The following CSMD1 variants were observed in gnomAD, a reference collection of about 807,000 sequenced individuals.
The protein encoded by CSMD1 is CUB and Sushi multiple domains 1.
A neutral mutation model predicts 417.5 loss-of-function variants in CSMD1; 213 were observed. The ratio of observed to expected loss-of-function variants is 0.51; its 90% confidence interval spans 0.46 to 0.57. CSMD1 has a LOEUF of 0.57. Among genes scored for constraint, CSMD1 ranks in the 20% least tolerant of loss-of-function variants. The pLI is 0.00. For missense variants in CSMD1, 6,923 were observed against 4,529.7 expected (o/e 1.53, Z -15.17); for synonymous variants, 2,862 against 1,736.8 (o/e 1.65, Z -16.11).
At chr8:3,380,358 A>C (rs963760458) in intron 18 of CSMD1, among the ~76,000 whole-genome samples, 2 of 152,212 alleles carry the variant, frequency 1.3e-5, no homozygotes, top group African/African-American at 4.8e-5. Flanking sequence ...AGAACCAGAA[A>C]TACCATTTGA....
At chr8:3,969,617 A>T (rs555037435) in intron 5 of CSMD1, among the ~76,000 whole-genome samples, 1 of 152,224 alleles carries the variant, frequency 6.6e-6, no homozygotes, top group Non-Finnish European at 1.5e-5. Context: ...CATAAAATTA[A>T]ATAAAGATTT....
intron 3 of CSMD1, among the ~76,000 whole-genome samples, chr8:4,330,214 G>GTCAGATCCACCTGTCAGATCCACCCA (rs1799790748): frequency 1.3e-5 from 2 of 151,756 alleles, no homozygotes; most frequent in Non-Finnish European, 1.5e-5. Flanking sequence ...CATAACACCC[G>GTCAGATCCACCTGTCAGATCCACCCA]TCAGATCCAC....
intron 4 of CSMD1, among the ~76,000 whole-genome samples, chr8:4,005,336 C>T (rs751858794): frequency 1.3e-5 from 2 of 152,146 alleles, no homozygotes; most frequent in Non-Finnish European, 2.9e-5. Context: ...ATTCATTGTA[C>T]TTGCAGAAAA....
intron 23 of CSMD1, among the ~76,000 whole-genome samples, chr8:3,316,178 G>A (rs1364691791): frequency 1.3e-5 from 2 of 152,114 alleles, no homozygotes; most frequent in East Asian, 3.9e-4. Flanking sequence ...GGCAAATATT[G>A]TTCTAACTTG....
chr8:3,848,312 C>G (rs957136966), intron 5 of CSMD1, among the ~76,000 whole-genome samples: 4 of 152,120 alleles, frequency 2.6e-5, no homozygotes, highest in African/African-American at 7.2e-5. Flanking sequence ...CCACTAACAA[C>G]AGAGATCACC....
At chr8:4,044,151 G>A (rs1359195260) in intron 3 of CSMD1, among the ~76,000 whole-genome samples, 3 of 152,150 alleles carry the variant, frequency 2.0e-5, no homozygotes, top group African/African-American at 4.8e-5. Context: ...CAGTAAGAAA[G>A]AAGATGAGAG....
chr8:3,925,430 A>G (rs1360819344), intron 5 of CSMD1, among the ~76,000 whole-genome samples: 3 of 152,212 alleles, frequency 2.0e-5, no homozygotes, highest in Non-Finnish European at 4.4e-5. Context: ...TAATATTTAA[A>G]TTATACAGTT....
At chr8:4,794,255 T>C (rs2117248516) in intron 1 of CSMD1, among the ~76,000 whole-genome samples, 1 of 152,244 alleles carries the variant, frequency 6.6e-6, no homozygotes, top group South Asian at 2.1e-4. Flanking sequence ...TTTTGAAAAA[T>C]CCCACATTGT....
chr8:3,468,438 T>A (rs1221720286), intron 12 of CSMD1, among the ~76,000 whole-genome samples: 1 of 152,214 alleles, frequency 6.6e-6, no homozygotes, highest in Admixed American at 6.5e-5. Flanking sequence ...TCCCCACATA[T>A]GCCCACACTT....
intron 2 of CSMD1, among the ~76,000 whole-genome samples, chr8:4,610,994 T>C (rs905571523): frequency 9.9e-5 from 15 of 152,222 alleles, no homozygotes; most frequent in Non-Finnish European, 1.0e-4. Flanking sequence ...CCTTGGAAAA[T>C]AGCAGCCCTT....
rs1296773068 is a variant in CSMD1 at position 3,201,744 on chromosome 8, G to C, written c.4985-19C>G. ...AAGACCACTAAAAAATAAGAGGTGG[G>C]ATGTTGGCACAAGATGCTCTAAGAA... On this transcript the variant is annotated intron_variant, in intron 31 of 69. Coordinates refer to ENST00000635120, the MANE Select transcript of CSMD1 (RefSeq NM_033225.6). 8 of 1,475,040 alleles carry C rather than the reference G, an allele frequency of 5.4e-6. No individual in the cohort carries two copies. The African/African-American group carries it at 8.3e-5, about 15-fold the overall frequency. 91.4% of individuals were successfully genotyped at this position (1,475,040 alleles called of 1,614,324 possible).
intron 7 of CSMD1, among the ~76,000 whole-genome samples, chr8:3,662,150 T>G (rs977013601): frequency 1.3e-5 from 2 of 152,190 alleles, no homozygotes; most frequent in African/African-American, 2.4e-5. Context: ...AGATTTAGGC[T>G]ATAGAGATAG....
intron 3 of CSMD1, among the ~76,000 whole-genome samples, chr8:4,059,171 A>G (rs1298064670): frequency 6.6e-6 from 1 of 152,222 alleles, no homozygotes; most frequent in Non-Finnish European, 1.5e-5. Flanking sequence ...CAGAAACTGA[A>G]CAACCTGCTG....
At chr8:4,935,891 T>C (rs1233333417) in intron 1 of CSMD1, among the ~76,000 whole-genome samples, 1 of 152,220 alleles carries the variant, frequency 6.6e-6, no homozygotes, top group Non-Finnish European at 1.5e-5. Context: ...ATTTCTGGGC[T>C]GTCTTCCTCC....
intron 3 of CSMD1, among the ~76,000 whole-genome samples, chr8:4,103,842 T>A (rs1034369997): frequency 2.0e-5 from 3 of 152,192 alleles, no homozygotes; most frequent in Non-Finnish European, 4.4e-5. Context: ...ATGCTCTAAC[T>A]CCCTGGCAGC....
At chr8:4,738,932 A>C (rs1170932656) in intron 1 of CSMD1, among the ~76,000 whole-genome samples, 1 of 44,768 alleles carries the variant, frequency 2.2e-5, no homozygotes, top group Non-Finnish European at 4.5e-5. Flanking sequence ...TATGTGTTAG[A>C]AGGCAATGTC....
intron 1 of CSMD1, among the ~76,000 whole-genome samples, chr8:4,661,297 T>C (rs1422959305): frequency 6.6e-6 from 1 of 152,038 alleles, no homozygotes; most frequent in Non-Finnish European, 1.5e-5. Context: ...ACAACGACAA[T>C]AACAACAAAT....
chr8:3,142,567 T>A lies in CSMD1; in HGVS notation c.6139A>T (p.Thr2047Ser), dbSNP rs747730493. The A allele has an allele frequency of 6.2e-7, 1 of 1,614,008 alleles. No individual in the cohort carries two copies. The highest frequency in any genetic ancestry group is 8.5e-7 in the Non-Finnish European group (1 of 1,179,894). Residue 2047 changes from threonine (T) to serine (S), a missense_variant, in exon 41 of 70, where the codon ACG becomes TCG. Transcript: ENST00000635120. ...CTCAGCAGGGCCGCGGGGAGATCCG[T>A]GCCGCTAAATTGTCCAATCATGGGG... ...TSPMIGQFSG[T>S]DLPAALLSTT...
At chr8:4,661,033 C>T (rs934562604) in intron 1 of CSMD1, among the ~76,000 whole-genome samples, 7 of 152,092 alleles carry the variant, frequency 4.6e-5, no homozygotes, top group African/African-American at 1.7e-4. Flanking sequence ...TGCAAAATGG[C>T]ACAGCCACCC....
Sources: gnomAD v4.1 joint callset for allele counts (sites outside exome capture counted in the v4.1 genomes callset) on GRCh38, gnomAD v4.1.1 for gene constraint, MANE v1.5 for transcripts, NCBI Gene and HGNC (gene_info 2026-07-23, HGNC 2026-07-21) for gene names.